MDM4: variants seen among roughly 807,000 people sequenced by gnomAD.
MDM4 encodes MDM4 regulator of p53.
In MDM4, 2 loss-of-function variants were observed where a neutral mutation model predicts 60.2. That is an observed-to-expected ratio of 0.03 (90% CI 0.01 to 0.10). The LOEUF (loss-of-function observed/expected upper bound fraction) is 0.10. MDM4 is among the 10% of genes least tolerant of loss of function. The pLI is 1.00. For synonymous variants in MDM4, 202 were observed against 198.1 expected (o/e 1.02, Z -0.17); for missense variants, 447 against 577.5 (o/e 0.77, Z 2.32).
At chr1:204,531,876 T>A (rs1206474556) in intron 4 of MDM4, among the ~76,000 whole-genome samples, 1 of 151,954 alleles carries the variant, frequency 6.6e-6, no homozygotes, top group Non-Finnish European at 1.5e-5. Flanking sequence ...CCAATTACAA[T>A]GTGAAACTTC....
chr1:204,526,326 T>C (rs562567984), intron 2 of MDM4, 34 bp from the exon 3 acceptor site: 8 of 1,558,176 alleles, frequency 5.1e-6, no homozygotes, highest in Non-Finnish European at 7.1e-6. Flanking sequence ...CTACTTGAAA[T>C]GTAAATAGCA....
chr1:204,538,303 G>C lies in MDM4; in HGVS notation c.506G>C (p.Arg169Thr), dbSNP rs765886049. Reference sequence around the variant, plus strand: ...TCAGAGCATAAATGCATACATTCTAGAGAAGGTATGTTTTGGATTAAGGCT... The same window carrying C: ...TCAGAGCATAAATGCATACATTCTACAGAAGGTATGTTTTGGATTAAGGCT... ...PTSEHKCIHS[R>T]EDEDLIENLA... Residue 169 changes from arginine to threonine, a missense_variant, in exon 7 of 11, where the codon AGA becomes ACA. Transcript: ENST00000367182. 7 of 1,541,038 alleles carry C rather than the reference G, an allele frequency of 4.5e-6. No individual in the cohort carries two copies. Among genetic ancestry groups the C allele is most frequent in the Non-Finnish European group, 6.3e-6 (7 of 1,114,160 alleles).
Position 204,555,232 on chromosome 1 carries a change from G to A in MDM4, c.*5550G>A. ...TGCAGTGGCGCGATCTCGGCTCACTGCAACCTCCGCCTCCCGGGTTCACCC... is the reference window on the plus strand; with the variant it reads ...TGCAGTGGCGCGATCTCGGCTCACTACAACCTCCGCCTCCCGGGTTCACCC... On this transcript the variant is annotated 3_prime_UTR_variant, in exon 11 of 11. Transcript: ENST00000367182. The A allele has an allele frequency of 5.8e-6, 1 of 173,750 alleles. No individual in the cohort carries two copies. Among genetic ancestry groups the A allele is most frequent in the Non-Finnish European group, 1.2e-5 (1 of 80,888 alleles). The allele number at this position is 173,750 out of a possible 1,614,324, so 10.8% of individuals were successfully genotyped here.
intron 3 of MDM4, chr1:204,528,838 G>T: frequency 1.3e-6 from 2 of 1,520,856 alleles, no homozygotes; most frequent in East Asian, 2.3e-5. Flanking sequence ...TCCACAGATG[G>T]GTTGGGTCAT....
In MDM4 at chr1:204,549,286, C is replaced by A. The variant is rs139541595; in HGVS notation, c.1077C>A (p.Val359=). The A allele has an allele frequency of 1.2e-3, 1,944 of 1,614,142 alleles. 2 individuals carry two copies. The highest frequency in any genetic ancestry group is 1.5e-3 in the Non-Finnish European group (1,824 of 1,180,012). The change falls in exon 11 of 11, where the codon GTC becomes GTA. Residue 359 remains valine (V), a synonymous_variant. Coordinates refer to ENST00000367182, the MANE Select transcript of MDM4 (RefSeq NM_002393.5). ...AAAAGGAAAATGAAGGAAATGATGT[C>A]CCTGATTGTCGAAGAACCATTTCGG... ...IPEKENEGND[V]PDCRRTISAP...
In MDM4 at chr1:204,551,836, T is replaced by C. The variant is rs1040915250; in HGVS notation, c.*2154T>C. Reference sequence around the variant, plus strand: ...TGAACAAGTGTTCCTGGAATCTCTATGCAAGTTTTATACAGAACATACTTT... The same window carrying C: ...TGAACAAGTGTTCCTGGAATCTCTACGCAAGTTTTATACAGAACATACTTT... On this transcript the variant is annotated 3_prime_UTR_variant, in exon 11 of 11. Coordinates refer to ENST00000367182, the MANE Select transcript of MDM4 (RefSeq NM_002393.5). The C allele has an allele frequency of 1.8e-5, 4 of 217,578 alleles. No homozygotes were observed. Among genetic ancestry groups the C allele is most frequent in the Non-Finnish European group, 3.7e-5 (4 of 108,348 alleles). 13.5% of individuals were successfully genotyped at this position (217,578 alleles called of 1,614,324 possible).
At chr1:204,543,339 A>C (rs1214358312) in intron 8 of MDM4, among the ~76,000 whole-genome samples, 1 of 152,180 alleles carries the variant, frequency 6.6e-6, no homozygotes, top group Non-Finnish European at 1.5e-5. Context: ...CCATTTTTAC[A>C]AAAAATTAAA....
Position 204,549,677 on chromosome 1 carries a change from G to A in MDM4, c.1468G>A (p.Ala490Thr), listed in dbSNP as rs773932299. ...TCAGCTGGTTATTAAGGTTTTTATA[G>A]CATAATGGTAGTACGAACATAAAAA... ...EIQLVIKVFI[A>T] The change falls in exon 11 of 11, where the codon GCA (alanine) becomes ACA (threonine). Residue 490 changes from alanine to threonine, a missense_variant. By Grantham distance (58) the Ala-to-Thr change is moderately conservative. Transcript: ENST00000367182. The A allele has an allele frequency of 4.2e-5, 63 of 1,512,154 alleles. No homozygotes were observed. The highest frequency in any genetic ancestry group is 5.5e-5 in the Non-Finnish European group (62 of 1,122,390). 93.7% of individuals were successfully genotyped at this position (1,512,154 alleles called of 1,614,324 possible).
At position 204,551,275 on chromosome 1, in the gene MDM4, G is replaced by A. The variant is rs182484900; in HGVS notation, c.*1593G>A. The A allele has an allele frequency of 6.6e-5, 15 of 226,576 alleles. No homozygotes were observed. The highest frequency in any genetic ancestry group is 5.1e-4 in the East Asian group (8 of 15,768). The allele number at this position is 226,576 out of a possible 1,614,324, so 14.0% of individuals were successfully genotyped here. A position where few individuals can be genotyped will look rare whatever the true frequency, so the allele number is the denominator to read the frequency against. On this transcript the variant is annotated 3_prime_UTR_variant, in exon 11 of 11. Coordinates refer to ENST00000367182, the MANE Select transcript of MDM4 (RefSeq NM_002393.5). ...TGCCCAGGCTGGTCCCAAACTTCTA[G>A]CCTCAAGCAACCCTCCTGCCTCAGC...
chr1:204,529,310 G>C, intron 3 of MDM4: 1 of 767,454 alleles, frequency 1.3e-6, no homozygotes. Context: ...AAGCCACTGT[G>C]ATCAGAGTCA....
At chr1:204,522,402 ATT>A (rs373501508) in intron 1 of MDM4, among the ~76,000 whole-genome samples, 230 of 138,316 alleles carry the variant, frequency 1.7e-3, no homozygotes, top group East Asian at 0.011. Context: ...CAGGTTTTAA[ATT>A]TTTTTTTTTT....
intron 5 of MDM4, among the ~76,000 whole-genome samples, chr1:204,533,006 A>G (rs576376001): frequency 6.6e-6 from 1 of 152,358 alleles, no homozygotes; most frequent in African/African-American, 2.4e-5. Context: ...TCATGTTAAT[A>G]ATCTGTGGGC....
In MDM4 at chr1:204,553,642, ATTGT is replaced by A. The variant is rs1429109093; in HGVS notation, c.*3962_*3965del. The stretch of plus-strand genomic sequence containing the variant: ...TTTAGTTGTCAAATTAATATTTATG[ATTGT>A]TATCTTGGGCGAAAAGTTCAGAGCA... On this transcript the variant is annotated 3_prime_UTR_variant, in exon 11 of 11. Transcript: ENST00000367182. 2 of 227,698 alleles carry A rather than the reference ATTGT, an allele frequency of 8.8e-6. No homozygotes were observed. The highest frequency in any genetic ancestry group is 1.7e-5 in the Non-Finnish European group (2 of 114,682). 14.1% of individuals were successfully genotyped at this position (227,698 alleles called of 1,614,324 possible).
Position 204,538,274 on chromosome 1 carries a change from T to C in MDM4, c.477T>C (p.Pro159=). 1 of 1,606,804 alleles carries C rather than the reference T, an allele frequency of 6.2e-7. No homozygotes were observed. The highest frequency in any genetic ancestry group is 2.2e-5 in the East Asian group (1 of 44,856). ...RTTEDDIPTL[P]TSEHKCIHSR... is the part of the protein sequence containing the mutation. ...CAGAAGACGATATCCCCACACTGCC[T>C]ACCTCAGAGCATAAATGCATACATT... Residue 159 remains proline, a synonymous_variant, in exon 7 of 11, where the codon CCT becomes CCC. Transcript: ENST00000367182.
chr1:204,557,917 TAATAATAATAATAAC>T lies in MDM4; in HGVS notation c.*8238_*8252del, dbSNP rs1218588599. The T allele has an allele frequency of 7.2e-6, 1 of 139,094 alleles. No individual in the cohort carries two copies. The highest frequency in any genetic ancestry group is 3.5e-5 in the African/African-American group (1 of 28,624). The allele number at this position is 139,094 out of a possible 1,614,324, so 8.6% of individuals were successfully genotyped here. ...TTCAGTCTTTCGCTAATAATAATAA[TAATAATAATAATAAC>T]AACAACTTATTGAATGTGGCCAGCT... On this transcript the variant is annotated 3_prime_UTR_variant, in exon 11 of 11. Coordinates refer to ENST00000367182, the MANE Select transcript of MDM4 (RefSeq NM_002393.5).
chr1:204,517,832 T>A (rs553665643), intron 1 of MDM4, among the ~76,000 whole-genome samples: 1 of 150,960 alleles, frequency 6.6e-6, no homozygotes, highest in South Asian at 2.1e-4. Flanking sequence ...CAGTTTAGAT[T>A]TAGTCTTCTC....
intron 3 of MDM4, chr1:204,528,738 GTTC>G (rs1300445661): frequency 2.8e-6 from 2 of 706,676 alleles, no homozygotes; most frequent in Non-Finnish European, 4.9e-6. Context: ...AAGGGAGAAT[GTTC>G]TTCTAGAGGG....
Position 204,555,843 on chromosome 1 carries a change from T to G in MDM4, c.*6161T>G, listed in dbSNP as rs1663499034. On this transcript the variant is annotated 3_prime_UTR_variant, in exon 11 of 11. Transcript: ENST00000367182. ...CTGCACCACTGCGCTCCCACCTGGG[T>G]GACAGAGACTCTGTCTCAAAAAAAA... 5.4e-6 allele frequency: 1 copy of G among 184,066 alleles called. No individual in the cohort carries two copies. Among genetic ancestry groups the G allele is most frequent in the South Asian group, 2.0e-4 (1 of 5,094 alleles). The allele number at this position is 184,066 out of a possible 1,614,324, so 11.4% of individuals were successfully genotyped here.
chr1:204,522,673 G>A (rs1252401034), intron 1 of MDM4, among the ~76,000 whole-genome samples: 1 of 152,062 alleles, frequency 6.6e-6, no homozygotes, highest in Non-Finnish European at 1.5e-5. Flanking sequence ...CCAAAGTGCT[G>A]AGATTATAGG....
Sources: gnomAD v4.1 joint callset for allele counts (sites outside exome capture counted in the v4.1 genomes callset) on GRCh38, gnomAD v4.1.1 for gene constraint, MANE v1.5 for transcripts, NCBI Gene and HGNC (gene_info 2026-07-23, HGNC 2026-07-21) for gene names.